PHF21B: variants seen among roughly 807,000 people sequenced by gnomAD.
PHF21B encodes PHD finger protein 21B, also known as PHD finger protein 4.
PHF21B carries 22 observed loss-of-function variants against 62.2 expected under a neutral mutation model. The observed-to-expected ratio is 0.35, with a 90% confidence interval of 0.25 to 0.51. PHF21B has a LOEUF of 0.51. Ranked by LOEUF, PHF21B falls within the 20% of genes least tolerant of loss-of-function variation. The probability of loss-of-function intolerance (pLI) is 0.97; values close to 1 mark genes in which losing one functional copy is unlikely to be tolerated. For missense variants in PHF21B, 701 were observed against 707.9 expected (o/e 0.99, Z 0.11); for synonymous variants, 341 against 314.7 (o/e 1.08, Z -0.88).
In PHF21B at chr22:44,882,108, G is replaced by A. The variant is rs780867812; in HGVS notation, c.*978C>T. ...CACAATAAAAACGCCATACAAAAGT[G>A]TGAAGTTATTTTTTGGCATAGTGTC... On this transcript the variant is annotated 3_prime_UTR_variant, in exon 13 of 13. Transcript: ENST00000313237. The A allele has an allele frequency of 6.5e-6, 1 of 152,742 alleles. No individual in the cohort carries two copies. Among genetic ancestry groups the A allele is most frequent in the Admixed American group, 6.5e-5 (1 of 15,286 alleles). 9.5% of individuals were successfully genotyped at this position (152,742 alleles called of 1,614,324 possible). A position where few individuals can be genotyped will look rare whatever the true frequency, so the allele number is the denominator to read the frequency against.
Position 44,896,016 on chromosome 22 carries a change from C to A in PHF21B, c.883+16G>T. ...CAGTCCCAGCCCAACCTGCTGCTAC[C>A]TGGATCCTTCCTTACCTTCCAAATG... On this transcript the variant is annotated intron_variant, in intron 6 of 12. Coordinates refer to ENST00000313237, the MANE Select transcript of PHF21B (RefSeq NM_138415.5). The A allele has an allele frequency of 6.2e-7, 1 of 1,614,186 alleles. No individual in the cohort carries two copies. Among genetic ancestry groups the A allele is most frequent in the Non-Finnish European group, 8.5e-7 (1 of 1,180,014 alleles).
At chr22:44,886,410 A>G (rs2070859610) in intron 10 of PHF21B, among the ~76,000 whole-genome samples, 1 of 150,658 alleles carries the variant, frequency 6.6e-6, no homozygotes, top group Admixed American at 6.6e-5. Flanking sequence ...AAAAAAAAAA[A>G]AAAAAAAAAA....
At chr22:44,896,396 C>T (rs1020352499) in intron 5 of PHF21B, among the ~76,000 whole-genome samples, 7 of 152,210 alleles carry the variant, frequency 4.6e-5, no homozygotes, top group African/African-American at 1.7e-4. Context: ...AGGCCCCTAA[C>T]TCCAGACACC....
chr22:44,885,342 T>C (rs2070837408), intron 12 of PHF21B, 84 bp downstream of exon 12: 1 of 1,308,918 alleles, frequency 7.6e-7, no homozygotes. Context: ...ACACCTGTGG[T>C]TCTAAGGACA....
At chr22:44,968,660 A>AG in intron 2 of PHF21B, among the ~76,000 whole-genome samples, 1 of 151,334 alleles carries the variant, frequency 6.6e-6, no homozygotes, top group South Asian at 2.1e-4. Flanking sequence ...AAAAAAAAAA[A>AG]AAAATACCTG....
chr22:44,898,245 A>T (rs1269610858), intron 5 of PHF21B, among the ~76,000 whole-genome samples: 1 of 152,146 alleles, frequency 6.6e-6, no homozygotes, highest in Non-Finnish European at 1.5e-5. Context: ...GGTATTTTGC[A>T]GAGCCACCCT....
At chr22:44,924,838 T>C (rs1785675848) in intron 2 of PHF21B, among the ~76,000 whole-genome samples, 1 of 152,236 alleles carries the variant, frequency 6.6e-6, no homozygotes, top group Non-Finnish European at 1.5e-5. Flanking sequence ...CACGTGTTCA[T>C]ACAGAGACTT....
chr22:44,909,452 G>A (rs1440596748), intron 5 of PHF21B, among the ~76,000 whole-genome samples: 8 of 152,224 alleles, frequency 5.3e-5, no homozygotes, highest in Admixed American at 3.9e-4. Flanking sequence ...AGACGATTAG[G>A]CCCAGGGCCA....
chr22:44,915,521 C>T (rs1025912781), intron 4 of PHF21B, among the ~76,000 whole-genome samples: 5 of 152,182 alleles, frequency 3.3e-5, no homozygotes, highest in African/African-American at 1.2e-4. Flanking sequence ...CTTCAGACTG[C>T]GAATTCTTTG....
chr22:44,942,653 C>T (rs1402660576), intron 2 of PHF21B, among the ~76,000 whole-genome samples: 1 of 152,170 alleles, frequency 6.6e-6, no homozygotes, highest in African/African-American at 2.4e-5. Flanking sequence ...CCAAGGCACA[C>T]GGTCAGAGGA....
Position 45,009,371 on chromosome 22 carries a change from C to T in PHF21B, c.54+125G>A. On this transcript the variant is annotated intron_variant, in intron 1 of 12. Transcript: ENST00000313237. The surrounding 1 kb of genome is among the most constrained non-coding windows in gnomAD (Gnocchi z 5.9). ...CGTGTGCTCACTCCCTCGCCCCCCG[C>T]CCCCGGGCAGGCTCCAGCCTGGAAG... 9.8e-7 allele frequency: 1 copy of T among 1,018,186 alleles called. No homozygotes were observed. Among genetic ancestry groups the T allele is most frequent in the Non-Finnish European group, 1.4e-6 (1 of 728,030 alleles). 63.1% of individuals were successfully genotyped at this position (1,018,186 alleles called of 1,614,324 possible). A position where few individuals can be genotyped will look rare whatever the true frequency, so the allele number is the denominator to read the frequency against.
rs1032381795 is a variant in PHF21B at position 44,882,879 on chromosome 22, C to T, written c.*207G>A. Reference sequence around the variant, plus strand: ...GTACCCCACCTGGCTCCTAGGTACCCCCTGTGAATTTGGAGGGCACAGGGC... The same window carrying T: ...GTACCCCACCTGGCTCCTAGGTACCTCCTGTGAATTTGGAGGGCACAGGGC... On this transcript the variant is annotated 3_prime_UTR_variant, in exon 13 of 13. Coordinates refer to ENST00000313237, the MANE Select transcript of PHF21B (RefSeq NM_138415.5). The T allele has an allele frequency of 8.8e-5, 51 of 581,836 alleles. No individual in the cohort carries two copies. In the African/African-American group the frequency reaches 8.8e-4, roughly 10 times the overall value. 36.0% of individuals were successfully genotyped at this position (581,836 alleles called of 1,614,324 possible).
intron 8 of PHF21B, among the ~76,000 whole-genome samples, chr22:44,890,191 TG>T (rs1471296077): frequency 2.6e-5 from 4 of 152,240 alleles, no homozygotes; most frequent in Non-Finnish European, 4.4e-5. Context: ...GGAGCCACCA[TG>T]GGAACAGGCT....
At chr22:44,935,156 T>G (rs2071819872) in intron 2 of PHF21B, among the ~76,000 whole-genome samples, 1 of 152,132 alleles carries the variant, frequency 6.6e-6, no homozygotes, top group South Asian at 2.1e-4. Context: ...TGCGTCTAAC[T>G]GGAAGCTTCA....
chr22:44,987,372 G>A (rs552456426), intron 2 of PHF21B, among the ~76,000 whole-genome samples: 1 of 152,286 alleles, frequency 6.6e-6, no homozygotes, highest in Admixed American at 6.5e-5. Flanking sequence ...AGAAGGTAAC[G>A]GCCAGGCTGA....
At chr22:44,953,245 C>T (rs772074142) in intron 2 of PHF21B, among the ~76,000 whole-genome samples, 2 of 152,164 alleles carry the variant, frequency 1.3e-5, no homozygotes, top group African/African-American at 2.4e-5. Flanking sequence ...GATGCACTAG[C>T]GAGTTGGGGT....
rs755504448 is a variant in PHF21B at position 44,913,848 on chromosome 22, G to A, written c.805C>T (p.Arg269Trp). The A allele has an allele frequency of 3.5e-5, 56 of 1,613,708 alleles. No homozygotes were observed. The highest frequency in any genetic ancestry group is 4.4e-5 in the Non-Finnish European group (52 of 1,179,974). ...TCGGGGTTCTCCTGGGTCGGGGGCCGGTCTTCCTTCTTCTTTTTGGTGGCC... is the reference window on the plus strand; with the variant it reads ...TCGGGGTTCTCCTGGGTCGGGGGCCAGTCTTCCTTCTTCTTTTTGGTGGCC... The part of the protein sequence containing the change: ...AQATKKKKED[R>W]PPTQENPEKI... The change falls in exon 5 of 13, where the codon CGG becomes TGG. Residue 269 changes from arginine to tryptophan, a missense_variant. Transcript: ENST00000313237.
At chr22:44,914,849 C>A (rs2071406944) in intron 4 of PHF21B, among the ~76,000 whole-genome samples, 1 of 152,200 alleles carries the variant, frequency 6.6e-6, no homozygotes, top group South Asian at 2.1e-4. Context: ...CCGGCCCAGC[C>A]TCTCCCTGGG....
intron 8 of PHF21B, 121 bp from the exon 9 acceptor site, chr22:44,889,903 CA>C: frequency 9.5e-7 from 1 of 1,049,972 alleles, no homozygotes; most frequent in Non-Finnish European, 1.3e-6. Flanking sequence ...ATGGGAGCAT[CA>C]TAAGGCCCCC....
Sources: gnomAD v4.1 joint callset for allele counts (sites outside exome capture counted in the v4.1 genomes callset) on GRCh38, gnomAD v4.1.1 for gene constraint, Gnocchi (gnomAD v3.1) non-coding constraint, MANE v1.5 for transcripts, NCBI Gene and HGNC (gene_info 2026-07-23, HGNC 2026-07-21) for gene names.